The following TEN1 variants were observed in gnomAD, a reference collection of about 807,000 sequenced individuals.
TEN1 encodes TEN1 subunit of CST complex.
Under a neutral mutation model 9.3 loss-of-function variants are expected in TEN1, and 6 were observed. The ratio of observed to expected loss-of-function variants is 0.65; its 90% CI spans 0.35 to 1.27. TEN1 has a LOEUF of 1.27. TEN1 is among the 50% of genes most tolerant of loss of function. TEN1 has a pLI of 0.03. For synonymous variants in TEN1, 65 were observed against 65.6 expected (o/e 0.99, Z 0.04); for missense variants, 149 against 158.2 (o/e 0.94, Z 0.31).
intron 3 of TEN1, among the ~76,000 whole-genome samples, chr17:75,994,666 C>G (rs1431709398): frequency 6.6e-6 from 1 of 151,860 alleles, no homozygotes; most frequent in Admixed American, 6.6e-5. Context: ...TTAGTAGAGA[C>G]AGGGTTTCAC....
chr17:75,983,257 G>A (rs2066133416), intron 1 of TEN1, among the ~76,000 whole-genome samples: 1 of 151,976 alleles, frequency 6.6e-6, no homozygotes, highest in South Asian at 2.1e-4. Context: ...CTCCAGCCTG[G>A]CAGACAGAGC....
chr17:75,985,888 T>A (rs190522289), intron 1 of TEN1, among the ~76,000 whole-genome samples: 95 of 151,554 alleles, frequency 6.3e-4, no homozygotes, highest in African/African-American at 2.1e-3. Flanking sequence ...TTTTTCTTTT[T>A]TATATATATT....
chr17:75,986,538 C>T (rs1406441753), intron 2 of TEN1, among the ~76,000 whole-genome samples: 1 of 151,800 alleles, frequency 6.6e-6, no homozygotes, highest in Non-Finnish European at 1.5e-5. Context: ...CCTGTCTCTA[C>T]TAAAAATACA....
intron 2 of TEN1, among the ~76,000 whole-genome samples, chr17:75,987,121 G>C (rs2066157119): frequency 6.6e-6 from 1 of 152,158 alleles, no homozygotes; most frequent in Non-Finnish European, 1.5e-5. Context: ...ACTGTGCCCA[G>C]CCTCCCCCAA....
At chr17:75,987,614 A>G (rs2066159480) in intron 2 of TEN1, among the ~76,000 whole-genome samples, 1 of 152,162 alleles carries the variant, frequency 6.6e-6, no homozygotes, top group South Asian at 2.1e-4. Context: ...GTGTACATAC[A>G]TATAGAAGTA....
At chr17:75,981,387 A>T (rs2066118402) in intron 1 of TEN1, among the ~76,000 whole-genome samples, 2 of 151,952 alleles carry the variant, frequency 1.3e-5, no homozygotes, top group Admixed American at 1.3e-4. Flanking sequence ...GGGTTTCACT[A>T]TGTTGACCAG....
chr17:75,981,186 C>T (rs932561096), intron 1 of TEN1, among the ~76,000 whole-genome samples: 13 of 151,044 alleles, frequency 8.6e-5, no homozygotes, highest in East Asian at 5.9e-4. Context: ...GTGACTTTAA[C>T]GCTTTTTTTT....
chr17:75,987,654 C>T (rs904856639), intron 2 of TEN1, among the ~76,000 whole-genome samples: 4 of 152,142 alleles, frequency 2.6e-5, no homozygotes, highest in Admixed American at 6.6e-5. Context: ...CGGTGGCTCA[C>T]GCCTGTAACC....
chr17:75,985,896 AT>A, intron 1 of TEN1, among the ~76,000 whole-genome samples: 1 of 149,312 alleles, frequency 6.7e-6, no homozygotes, highest in East Asian at 1.9e-4. Context: ...TTTTATATAT[AT>A]TTTTTATTAT....
chr17:75,979,323 C>A lies in TEN1; in HGVS notation c.-195C>A. Reference sequence around the variant, plus strand: ...GGGGCCGGTCGCGGGGCAGACTAATCCCCTGCTCCTGGCCAGGGGAGGCTC... The same window carrying A: ...GGGGCCGGTCGCGGGGCAGACTAATACCCTGCTCCTGGCCAGGGGAGGCTC... On this transcript the variant is annotated 5_prime_UTR_variant, in exon 1 of 4. Coordinates refer to ENST00000397640, the MANE Select transcript of TEN1 (RefSeq NM_001113324.3). The A allele has an allele frequency of 1.7e-6, 1 of 598,686 alleles. No homozygotes were observed. The highest frequency in any genetic ancestry group is 1.9e-5 in the South Asian group (1 of 51,702). 37.1% of individuals were successfully genotyped at this position (598,686 alleles called of 1,614,324 possible).
chr17:75,989,378 CTGGGATTACAGA>C (rs1375671762), intron 2 of TEN1, among the ~76,000 whole-genome samples: 1 of 151,148 alleles, frequency 6.6e-6, no homozygotes, highest in Non-Finnish European at 1.5e-5. Context: ...TCCCAAAGTG[CTGGGATTACAGA>C]TGTGAGCCAC....
intron 3 of TEN1, among the ~76,000 whole-genome samples, chr17:75,999,292 G>A (rs1012757132): frequency 2.6e-5 from 4 of 152,060 alleles, no homozygotes; most frequent in Non-Finnish European, 5.9e-5. Flanking sequence ...ATTGAGCCAT[G>A]ATTGAGCCAC....
chr17:75,983,497 CCT>C (rs760791111), intron 1 of TEN1, among the ~76,000 whole-genome samples: 57 of 152,132 alleles, frequency 3.7e-4, no homozygotes, highest in Admixed American at 5.2e-4. Flanking sequence ...GTTATCTCCC[CCT>C]GTTTTAGACA....
intron 2 of TEN1, among the ~76,000 whole-genome samples, chr17:75,988,537 G>A (rs527270725): frequency 7.1e-6 from 1 of 141,496 alleles, no homozygotes; most frequent in South Asian, 2.3e-4. Context: ...ACTTTATCCT[G>A]GGTGACAGAG....
At chr17:75,986,981 C>T (rs2066156338) in intron 2 of TEN1, among the ~76,000 whole-genome samples, 1 of 151,936 alleles carries the variant, frequency 6.6e-6, no homozygotes, top group Admixed American at 6.6e-5. Flanking sequence ...AACATATTAC[C>T]CATACACACA....
At chr17:75,990,087 C>T (rs1379951738) in intron 2 of TEN1, among the ~76,000 whole-genome samples, 1 of 149,680 alleles carries the variant, frequency 6.7e-6, no homozygotes, top group Non-Finnish European at 1.5e-5. Context: ...GCTCTGTTGC[C>T]CAGACTGGAG....
At chr17:75,994,711 C>T (rs2066208622) in intron 3 of TEN1, among the ~76,000 whole-genome samples, 1 of 152,184 alleles carries the variant, frequency 6.6e-6, no homozygotes, top group African/African-American at 2.4e-5. Context: ...CTCCTGACCT[C>T]ATGATCCACC....
In TEN1 at chr17:76,000,370, G is replaced by T. The variant is rs756830080; in HGVS notation, c.*108G>T. On this transcript the variant is annotated 3_prime_UTR_variant, in exon 4 of 4. Coordinates refer to ENST00000397640, the MANE Select transcript of TEN1 (RefSeq NM_001113324.3). The surrounding 1 kb of genome is among the most constrained non-coding windows in gnomAD (Gnocchi z 5.9). ...CTCCCCAGCGACGGCCTTGTCTGGAGCTCGAAAGCCGAGGGGCGGGTGATG... is the reference window on the plus strand; with the variant it reads ...CTCCCCAGCGACGGCCTTGTCTGGATCTCGAAAGCCGAGGGGCGGGTGATG... The T allele has an allele frequency of 1.7e-4, 246 of 1,418,906 alleles. No individual in the cohort carries two copies. Among genetic ancestry groups the T allele is most frequent in the Non-Finnish European group, 2.1e-4 (231 of 1,075,458 alleles). 87.9% of individuals were successfully genotyped at this position (1,418,906 alleles called of 1,614,324 possible).
At chr17:75,985,469 G>T (rs949510354) in intron 1 of TEN1, among the ~76,000 whole-genome samples, 8 of 151,634 alleles carry the variant, frequency 5.3e-5, no homozygotes, top group African/African-American at 1.9e-4. Flanking sequence ...TTTTTTCATA[G>T]AGATGAAGTC....
Sources: allele counts gnomAD v4.1 joint callset (sites outside exome capture counted in the v4.1 genomes callset), GRCh38; gene constraint gnomAD v4.1.1; non-coding constraint Gnocchi (gnomAD v3.1); transcripts MANE v1.5; gene names NCBI Gene and HGNC (gene_info 2026-07-23, HGNC 2026-07-21).